CTNND2: variants seen among roughly 807,000 people sequenced by gnomAD.
CTNND2 encodes the protein catenin delta-2.
In CTNND2, 22 loss-of-function variants were observed where a neutral mutation model predicts 144.4. That is an observed-to-expected ratio of 0.15 (90% CI 0.11 to 0.22). The LOEUF is 0.22. CTNND2 is among the 10% of genes least tolerant of loss of function. CTNND2 has a pLI of 1.00. For missense variants in CTNND2, 1,353 were observed against 1,618.8 expected (o/e 0.84, Z 2.82); for synonymous variants, 751 against 695.6 (o/e 1.08, Z -1.25).
intron 8 of CTNND2, among the ~76,000 whole-genome samples, chr5:11,362,638 G>C (rs1756582080): frequency 6.6e-6 from 1 of 152,156 alleles, no homozygotes; most frequent in Non-Finnish European, 1.5e-5. Flanking sequence ...GGCTGGGTTG[G>C]GGTCTTGGAC....
intron 9 of CTNND2, among the ~76,000 whole-genome samples, chr5:11,305,628 A>T (rs1284177302): frequency 6.6e-6 from 1 of 152,216 alleles, no homozygotes; most frequent in Non-Finnish European, 1.5e-5. Context: ...GTGCAGACTT[A>T]AGTGACAGGG....
At chr5:11,891,070 A>G (rs554723669) in intron 1 of CTNND2, among the ~76,000 whole-genome samples, 2 of 152,334 alleles carry the variant, frequency 1.3e-5, no homozygotes, top group African/African-American at 4.8e-5. Context: ...TCAGCCTCTT[A>G]ACACTGAAGG....
intron 16 of CTNND2, among the ~76,000 whole-genome samples, chr5:11,064,945 A>G (rs941670723): frequency 3.3e-5 from 5 of 152,174 alleles, no homozygotes; most frequent in African/African-American, 1.2e-4. Context: ...CCTTCAAGCC[A>G]CCTAGGAGCT....
At chr5:11,589,316 A>ACACACACACACG (rs1215796926) in intron 2 of CTNND2, among the ~76,000 whole-genome samples, 26 of 108,906 alleles carry the variant, frequency 2.4e-4, no homozygotes, top group Non-Finnish European at 4.1e-4. Context: ...CACACACGAC[A>ACACACACACACG]ACAACAACAA....
At chr5:11,689,629 A>C (rs1784806388) in intron 2 of CTNND2, among the ~76,000 whole-genome samples, 1 of 152,200 alleles carries the variant, frequency 6.6e-6, no homozygotes. Flanking sequence ...TGAAGCTAAT[A>C]ATCACTGTAC....
chr5:11,224,432 C>T (rs535771447), intron 10 of CTNND2, among the ~76,000 whole-genome samples: 19 of 152,322 alleles, frequency 1.2e-4, no homozygotes, highest in East Asian at 3.9e-4. Flanking sequence ...ACCCCTCCAC[C>T]GAGGCCTGGT....
chr5:11,749,393 G>T (rs1323067616), intron 1 of CTNND2, among the ~76,000 whole-genome samples: 1 of 152,042 alleles, frequency 6.6e-6, no homozygotes, highest in African/African-American at 2.4e-5. Context: ...AGGTTTCAGT[G>T]ATTTCATTAT....
intron 2 of CTNND2, among the ~76,000 whole-genome samples, chr5:11,627,339 C>T (rs1421142213): frequency 6.6e-6 from 1 of 152,162 alleles, no homozygotes; most frequent in Non-Finnish European, 1.5e-5. Context: ...ACCAGCAGTT[C>T]TTCAGTGGCT....
In CTNND2 at chr5:10,973,567, G is replaced by A; in HGVS notation, c.3564C>T (p.His1188=). Residue 1188 remains histidine (H), a synonymous_variant, in exon 22 of 22, where the codon CAC becomes CAT. Transcript: ENST00000304623. The surrounding 1 kb of genome is among the most constrained non-coding windows in gnomAD (Gnocchi z 5.6). ...AGTTGCCGGTGGACTTGAGACCCAG[G>A]TGCATGGTGTACTCGCTGGCGGGAG... The part of the protein sequence containing the change: ...HRPPASEYTM[H]LGLKSTGNYV... 6.2e-7 allele frequency: 1 copy of A among 1,614,178 alleles called. No homozygotes were observed. Among genetic ancestry groups the A allele is most frequent in the Non-Finnish European group, 8.5e-7 (1 of 1,180,026 alleles).
intron 3 of CTNND2, among the ~76,000 whole-genome samples, chr5:11,449,469 C>G (rs1045974256): frequency 1.3e-5 from 2 of 152,148 alleles, no homozygotes; most frequent in Admixed American, 1.3e-4. Context: ...CATCAAGACG[C>G]TAGTTGTCTC....
intron 21 of CTNND2, among the ~76,000 whole-genome samples, chr5:10,980,042 A>G (rs1006804572): frequency 2.6e-5 from 4 of 152,218 alleles, no homozygotes; most frequent in African/African-American, 9.6e-5. Flanking sequence ...ACAAAAGTCA[A>G]AATCGACAAA....
chr5:11,034,730 G>C (rs771717925), intron 16 of CTNND2, among the ~76,000 whole-genome samples: 7 of 152,000 alleles, frequency 4.6e-5, no homozygotes, highest in Non-Finnish European at 1.0e-4. Flanking sequence ...TATAACTCAT[G>C]AAAAGTAGAT....
At chr5:11,011,752 C>T (rs1029730411) in intron 18 of CTNND2, among the ~76,000 whole-genome samples, 5 of 152,158 alleles carry the variant, frequency 3.3e-5, no homozygotes, top group African/African-American at 7.2e-5. Flanking sequence ...GGCAAGGGCA[C>T]GGAAGCATGC....
intron 9 of CTNND2, among the ~76,000 whole-genome samples, chr5:11,282,257 A>T (rs1298871299): frequency 6.6e-6 from 1 of 152,160 alleles, no homozygotes; most frequent in African/African-American, 2.4e-5. Context: ...TGACATTTCT[A>T]AGCTTCCTAC....
At chr5:11,561,446 C>G (rs2150101678) in intron 3 of CTNND2, among the ~76,000 whole-genome samples, 1 of 152,294 alleles carries the variant, frequency 6.6e-6, no homozygotes, top group South Asian at 2.1e-4. Context: ...CCAGATGACT[C>G]AGAACCCTTA....
intron 3 of CTNND2, among the ~76,000 whole-genome samples, chr5:11,425,856 ATCTTCCATGAT>A (rs1554055804): frequency 6.6e-6 from 1 of 152,098 alleles, no homozygotes; most frequent in Non-Finnish European, 1.5e-5. Flanking sequence ...CTCTCCTGAG[ATCTTCCATGAT>A]CTTCCTTGGA....
At chr5:11,392,953 T>C (rs1162901264) in intron 6 of CTNND2, among the ~76,000 whole-genome samples, 2 of 152,172 alleles carry the variant, frequency 1.3e-5, no homozygotes, top group Non-Finnish European at 2.9e-5. Flanking sequence ...ACTCAAGACA[T>C]AGGTGTTTAC....
chr5:11,118,353 G>C (rs1000915558), intron 12 of CTNND2, among the ~76,000 whole-genome samples: 2 of 152,220 alleles, frequency 1.3e-5, no homozygotes, highest in Non-Finnish European at 2.9e-5. Context: ...ACTTACTACA[G>C]ACAACACAAC....
At chr5:11,121,856 T>A (rs1359942310) in intron 12 of CTNND2, among the ~76,000 whole-genome samples, 1 of 152,186 alleles carries the variant, frequency 6.6e-6, no homozygotes, top group African/African-American at 2.4e-5. Context: ...TATTGGGTAA[T>A]CAATGTATTT....
Sources: allele counts gnomAD v4.1 joint callset (sites outside exome capture counted in the v4.1 genomes callset), GRCh38; gene constraint gnomAD v4.1.1; non-coding constraint Gnocchi (gnomAD v3.1); transcripts MANE v1.5; gene names NCBI Gene and HGNC (gene_info 2026-07-23, HGNC 2026-07-21).